Variants in KDM5C observed in about 807,000 individuals in gnomAD.
KDM5C encodes the protein lysine demethylase 5C, also known as lysine-specific demethylase 5C.
KDM5C carries 16 observed loss-of-function variants against 110.6 expected under a neutral mutation model. That is an observed-to-expected ratio of 0.14 (90% CI 0.10 to 0.22). The LOEUF is 0.22. Among genes scored for constraint, KDM5C ranks in the 10% least tolerant of loss-of-function variants. The pLI is 1.00. For synonymous variants in KDM5C, 511 were observed against 520.4 expected (o/e 0.98, Z 0.24); for missense variants, 681 against 1,300.9 (o/e 0.52, Z 7.33).
intron 12 of KDM5C, among the ~76,000 whole-genome samples, chrX:53,206,562 T>C (rs782028034): frequency 2.2e-4 from 25 of 111,369 alleles, no homozygotes; most frequent in Admixed American, 2.1e-3. Flanking sequence ...GCTAGGTACA[T>C]AGGTACTTTT....
chrX:53,210,350 C>A (rs900588793), intron 12 of KDM5C, 64 bp downstream of exon 12: 3 of 1,176,839 alleles, frequency 2.5e-6, no homozygotes, highest in Non-Finnish European at 2.3e-6. Flanking sequence ...ACCGCCACCA[C>A]CACCATCACA....
intron 25 of KDM5C, among the ~76,000 whole-genome samples, chrX:53,181,690 A>C (rs1934056953): frequency 9.1e-6 from 1 of 109,772 alleles, no homozygotes; most frequent in African/African-American, 3.3e-5. Context: ...AAAAAAAAAA[A>C]AAAAAAAAAG....
At chrX:53,200,253 A>T (rs991052615) in intron 14 of KDM5C, among the ~76,000 whole-genome samples, 2 of 111,770 alleles carry the variant, frequency 1.8e-5, no homozygotes, top group African/African-American at 6.5e-5. Flanking sequence ...AAGCCAGAGA[A>T]TATTCTAAGG....
At chrX:53,197,975 C>T in intron 17 of KDM5C, 99 bp from the exon 18 acceptor site, 1 of 646,766 alleles carries the variant, frequency 1.5e-6, no homozygotes, top group African/African-American at 2.2e-5. Context: ...ACCTGTCCAC[C>T]TTGATCTCGC....
At chrX:53,181,060 C>T (rs189848012) in intron 25 of KDM5C, among the ~76,000 whole-genome samples, 5 of 109,794 alleles carry the variant, frequency 4.6e-5, no homozygotes, top group Middle Eastern at 4.7e-3. Flanking sequence ...TCAAGTGATC[C>T]GCCCACCTCG....
chrX:53,184,618 T>C (rs782731537), intron 25 of KDM5C, among the ~76,000 whole-genome samples: 21 of 112,037 alleles, frequency 1.9e-4, no homozygotes, highest in Non-Finnish European at 3.9e-4. Context: ...TGTTATTACC[T>C]TGATCGATTT....
At chrX:53,210,979 T>G (rs2073538983) in intron 10 of KDM5C, 122 bp from the exon 11 acceptor site, 4 of 610,345 alleles carry the variant, frequency 6.6e-6, no homozygotes, top group Non-Finnish European at 1.1e-5. Context: ...TGAAACATCT[T>G]AAGAAACATA....
Position 53,199,129 on chromosome X carries a change from G to A in KDM5C, c.2091C>T (p.Phe697=), listed in dbSNP as rs782198070. The change falls in exon 15 of 26, where the codon TTC becomes TTT. Residue 697 remains phenylalanine, a synonymous_variant. Transcript: ENST00000375401. ...GGCGCTCATCATCTGGGAGCAGCTC[G>A]AAAGCCTCTCGCTCAGCCTCTGTGA... ...KGITEAEREA[F]ELLPDDERQC... is the part of the protein sequence containing the mutation. 55 of 1,210,219 alleles carry A rather than the reference G, an allele frequency of 4.5e-5. No individual in the cohort carries two copies. The Admixed American group carries it at 9.4e-4, about 21-fold the overall frequency.
Position 53,201,761 on chromosome X carries a change from G to A in KDM5C, c.1867-17C>T. The A allele has an allele frequency of 1.7e-6, 2 of 1,211,467 alleles. No individual in the cohort carries two copies. Among genetic ancestry groups the A allele is most frequent in the Non-Finnish European group, 2.2e-6 (2 of 895,167 alleles). On this transcript the variant is annotated splice_polypyrimidine_tract_variant and intron_variant, in intron 13 of 25. Coordinates refer to ENST00000375401, the MANE Select transcript of KDM5C (RefSeq NM_004187.5). ...AGCAGGCAACTGTGGGCAGGTTCAA[G>A]GTTGAGTGTGGCCAAGTCTGGAGGC...
chrX:53,192,838 G>T lies in KDM5C; in HGVS notation c.*129C>A. 5 of 1,080,684 alleles carry T rather than the reference G, an allele frequency of 4.6e-6. No individual in the cohort carries two copies. Among genetic ancestry groups the T allele is most frequent in the Non-Finnish European group, 6.2e-6 (5 of 810,788 alleles). 89.1% of individuals were successfully genotyped at this position (1,080,684 alleles called of 1,213,427 possible). Reference sequence around the variant, plus strand: ...AATACAAAAGTCAAGGGACTCAGGGGTGGGCGGGTAGCAGGGATGGCCACC... The same window carrying T: ...AATACAAAAGTCAAGGGACTCAGGGTTGGGCGGGTAGCAGGGATGGCCACC... On this transcript the variant is annotated 3_prime_UTR_variant, in exon 26 of 26. Transcript: ENST00000375401.
chrX:53,201,829 C>T (rs369328071), intron 13 of KDM5C, 25 bp downstream of exon 13: 1 of 1,210,222 alleles, frequency 8.3e-7, no homozygotes, highest in African/African-American at 1.7e-5. Context: ...CTTCTCCCCA[C>T]CATCCCACCA....
rs111759007 is a variant in KDM5C, at chrX:53,203,772, GT to G, written c.1747-1800del. ...TTTTTTAGGGTTTCCTCAGTTTTTTGTTTTTTTTTTTTGACGCAGAGTCTCA... is the reference window on the plus strand; with the variant it reads ...TTTTTTAGGGTTTCCTCAGTTTTTTGTTTTTTTTTTTGACGCAGAGTCTCA... On this transcript the variant is annotated intron_variant, in intron 12 of 25. Coordinates refer to ENST00000375401, the MANE Select transcript of KDM5C (RefSeq NM_004187.5). Among the ~76,000 whole-genome samples the G allele has an allele frequency of 3.2e-3, 315 of 99,148 alleles. 4 individuals carry two copies. In the South Asian group the frequency reaches 0.082, roughly 26 times the overall value. The allele number at this position is 99,148 out of a possible 115,157, so 86.1% of individuals were successfully genotyped here.
chrX:53,216,843 G>A (rs1179631877), intron 5 of KDM5C, among the ~76,000 whole-genome samples: 1 of 112,210 alleles, frequency 8.9e-6, no homozygotes, highest in Non-Finnish European at 1.9e-5. Flanking sequence ...AAAAGATACA[G>A]GTATAAAGAG....
chrX:53,209,632 A>G (rs982418719), intron 12 of KDM5C, among the ~76,000 whole-genome samples: 2 of 111,491 alleles, frequency 1.8e-5, no homozygotes, highest in Admixed American at 9.5e-5. Context: ...GCCCCGGATA[A>G]TACTTAAAGC....
chrX:53,192,611 G>T lies in KDM5C; in HGVS notation c.*356C>A, dbSNP rs1461063778. 10 of 660,591 alleles carry T rather than the reference G, an allele frequency of 1.5e-5. No individual in the cohort carries two copies. The African/African-American group carries it at 2.0e-4, about 13-fold the overall frequency. 54.4% of individuals were successfully genotyped at this position (660,591 alleles called of 1,213,427 possible). ...GCCAGGACCAGAACTGGGGAGAGAA[G>T]GGAGGAGAGTCCCCCAGTTTGCATA... is the stretch of plus-strand genomic sequence containing the variant. On this transcript the variant is annotated 3_prime_UTR_variant, in exon 26 of 26. Transcript: ENST00000375401.
intron 25 of KDM5C, among the ~76,000 whole-genome samples, chrX:53,184,981 A>T (rs190658695): frequency 5.4e-4 from 61 of 112,223 alleles, no homozygotes; most frequent in African/African-American, 2.0e-3. Context: ...GGTACAGTGT[A>T]GGCAGGGGAA....
At chrX:53,204,415 T>C (rs1241133412) in intron 12 of KDM5C, among the ~76,000 whole-genome samples, 1 of 110,897 alleles carries the variant, frequency 9.0e-6, no homozygotes, top group East Asian at 2.8e-4. Flanking sequence ...CCAGAGACTC[T>C]GTTTTAACCT....
downstream of KDM5C, among the ~76,000 whole-genome samples, chrX:53,186,957 G>A (rs1453157406): frequency 2.7e-5 from 3 of 112,384 alleles, no homozygotes; most frequent in Non-Finnish European, 5.6e-5. Context: ...AGATATTCAC[G>A]TCCCACATAA....
At chrX:53,202,008 G>C in intron 12 of KDM5C, 35 bp from the exon 13 acceptor site, 1 of 1,209,969 alleles carries the variant, frequency 8.3e-7, no homozygotes, top group Non-Finnish European at 1.1e-6. Flanking sequence ...TGTTGAGATA[G>C]AGATTTTCCT....
Sources: allele counts gnomAD v4.1 joint callset (sites outside exome capture counted in the v4.1 genomes callset), GRCh38; gene constraint gnomAD v4.1.1; transcripts MANE v1.5; gene names NCBI Gene and HGNC (gene_info 2026-07-23, HGNC 2026-07-21).